ROBO2: variants seen among roughly 807,000 people sequenced by gnomAD.
ROBO2 encodes roundabout homolog 2.
In ROBO2, 53 loss-of-function variants were observed where a neutral mutation model predicts 160.8. The ratio of observed to expected loss-of-function variants is 0.33; its 90% CI spans 0.26 to 0.41. The LOEUF (loss-of-function observed/expected upper bound fraction) is 0.41, where lower values mean the gene tolerates loss of function less well. Among genes scored for constraint, ROBO2 ranks in the 10% least tolerant of loss-of-function variants. The probability of loss-of-function intolerance (pLI) is 1.00; values close to 1 mark genes in which losing one functional copy is unlikely to be tolerated. For synonymous variants in ROBO2, 664 were observed against 611.7 expected, an observed-to-expected ratio of 1.09 and a Z score of -1.26; for missense variants, 1,577 against 1,722.4, an observed-to-expected ratio of 0.92 and a Z score of 1.49.
At chr3:76,886,253 C>A (rs1349587927) in intron 2 of ROBO2, among the ~76,000 whole-genome samples, 10 of 140,922 alleles carry the variant, frequency 7.1e-5, no homozygotes, top group South Asian at 2.1e-4. Flanking sequence ...TAACCAATTC[C>A]AAAAAAATAT....
intron 2 of ROBO2, among the ~76,000 whole-genome samples, chr3:76,356,873 T>G (rs1434367280): frequency 6.6e-6 from 1 of 151,900 alleles, no homozygotes; most frequent in Non-Finnish European, 1.5e-5. Flanking sequence ...TAAAATGTGT[T>G]GATAAATTTC....
intron 2 of ROBO2, among the ~76,000 whole-genome samples, chr3:76,116,901 T>G (rs1022353772): frequency 1.3e-5 from 2 of 152,184 alleles, no homozygotes. Flanking sequence ...TGAAATGTTT[T>G]CCATCAAGAC....
intron 1 of ROBO2, among the ~76,000 whole-genome samples, chr3:77,093,216 A>T (rs2070558028): frequency 6.6e-6 from 1 of 152,184 alleles, no homozygotes; most frequent in Non-Finnish European, 1.5e-5. Flanking sequence ...ATATGCTGGT[A>T]TGGGCCTAAG....
At chr3:77,497,070 T>C (rs2086887455) in intron 5 of ROBO2, among the ~76,000 whole-genome samples, 1 of 152,062 alleles carries the variant, frequency 6.6e-6, no homozygotes, top group Admixed American at 6.6e-5. Flanking sequence ...CTAGGGAAAA[T>C]TATTTATGTG....
At chr3:77,591,825 T>C (rs1355291215) in intron 17 of ROBO2, among the ~76,000 whole-genome samples, 1 of 152,176 alleles carries the variant, frequency 6.6e-6, no homozygotes, top group Non-Finnish European at 1.5e-5. Flanking sequence ...CAAACACTTA[T>C]TTGAAATGAG....
At chr3:77,112,668 A>G (rs1006559571) in intron 2 of ROBO2, among the ~76,000 whole-genome samples, 10 of 152,178 alleles carry the variant, frequency 6.6e-5, no homozygotes, top group Admixed American at 6.5e-4. Flanking sequence ...CTCAAGAACT[A>G]TTCTCCCAAA....
rs377134172 is a variant in ROBO2 at position 76,886,576 on chromosome 3, C to A, written c.110-211438C>A. ...TGCTGTTTACAGATGGGTGGAAGAT[C>A]AGCAAACTTTCTCAGGGAAAGCATA... On this transcript the variant is annotated intron_variant, in intron 2 of 26. Transcript: ENST00000487694. Among the ~76,000 whole-genome samples, 16 of 152,066 alleles carry A rather than the reference C, an allele frequency of 1.1e-4. 1 individual carries two copies. Among genetic ancestry groups the A allele is most frequent in the East Asian group, 9.7e-4 (5 of 5,160 alleles).
chr3:77,383,087 T>G (rs1299626394), intron 2 of ROBO2, among the ~76,000 whole-genome samples: 1 of 152,204 alleles, frequency 6.6e-6, no homozygotes, highest in Non-Finnish European at 1.5e-5. Context: ...TTAAAATAAC[T>G]TCTGACTTAT....
intron 21 of ROBO2, among the ~76,000 whole-genome samples, chr3:77,612,875 C>T (rs1217130296): frequency 6.6e-6 from 1 of 152,048 alleles, no homozygotes; most frequent in East Asian, 1.9e-4. Flanking sequence ...ATGGCGTGAA[C>T]TTGGGAGGTG....
chr3:76,018,858 T>C (rs1374411504), intron 2 of ROBO2, among the ~76,000 whole-genome samples: 5 of 152,004 alleles, frequency 3.3e-5, no homozygotes, highest in Non-Finnish European at 7.4e-5. Context: ...TACTGTGTAT[T>C]CCTTGGAATT....
At chr3:77,500,465 A>G (rs774247536) in intron 5 of ROBO2, among the ~76,000 whole-genome samples, 7 of 152,162 alleles carry the variant, frequency 4.6e-5, no homozygotes, top group Admixed American at 1.3e-4. Context: ...TCACCTATGA[A>G]TTTTATATTT....
At chr3:76,835,227 C>A (rs749606423) in intron 2 of ROBO2, among the ~76,000 whole-genome samples, 1 of 151,248 alleles carries the variant, frequency 6.6e-6, no homozygotes, top group East Asian at 1.9e-4. Flanking sequence ...GAAAAATCTA[C>A]GACTTGAAAA....
At chr3:77,147,726 A>G (rs1284014692) in intron 2 of ROBO2, among the ~76,000 whole-genome samples, 1 of 152,186 alleles carries the variant, frequency 6.6e-6, no homozygotes, top group Admixed American at 6.5e-5. Flanking sequence ...CTTTCTTCTA[A>G]TTTTATTGTG....
chr3:77,134,786 C>T (rs907465488), intron 2 of ROBO2, among the ~76,000 whole-genome samples: 2 of 152,178 alleles, frequency 1.3e-5, no homozygotes, highest in African/African-American at 4.8e-5. Flanking sequence ...GAGGCCACTG[C>T]TAATTTCCCT....
intron 1 of ROBO2, among the ~76,000 whole-genome samples, chr3:77,059,814 C>G (rs903684162): frequency 2.0e-5 from 3 of 152,070 alleles, no homozygotes; most frequent in Non-Finnish European, 4.4e-5. Context: ...ACATCAGGCT[C>G]ATTGAAGAAA....
chr3:76,049,403 A>ATATTTTTTTTTT (rs1414664360), intron 2 of ROBO2, among the ~76,000 whole-genome samples: 6 of 53,750 alleles, frequency 1.1e-4, no homozygotes, highest in East Asian at 6.3e-4. Flanking sequence ...ATATATATAT[A>ATATTTTTTTTTT]TTTTTTTTTT....
intron 2 of ROBO2, among the ~76,000 whole-genome samples, chr3:76,782,101 T>C (rs535417841): frequency 3.2e-4 from 49 of 150,772 alleles, no homozygotes; most frequent in African/African-American, 1.1e-3. Context: ...AGATTGTAAG[T>C]TTTTAGGAAT....
At chr3:76,752,342 G>GC (rs1294224929) in intron 2 of ROBO2, among the ~76,000 whole-genome samples, 3 of 151,586 alleles carry the variant, frequency 2.0e-5, no homozygotes, top group Non-Finnish European at 4.4e-5. Context: ...AATGTTAAAT[G>GC]ACGAGTTAGT....
chr3:76,472,094 T>C (rs994953869), intron 2 of ROBO2, among the ~76,000 whole-genome samples: 65 of 115,896 alleles, frequency 5.6e-4, no homozygotes, highest in South Asian at 2.8e-3. Flanking sequence ...TGTGTGTGTG[T>C]GTGTGTGCGC....
Sources: allele counts gnomAD v4.1 joint callset (sites outside exome capture counted in the v4.1 genomes callset), GRCh38; gene constraint gnomAD v4.1.1; transcripts MANE v1.5; gene names NCBI Gene and HGNC (gene_info 2026-07-23, HGNC 2026-07-21).